Variants in RUSC2 observed in about 807,000 individuals in gnomAD.
RUSC2 encodes the protein AP-4 complex accessory subunit RUSC2.
RUSC2 carries 34 observed loss-of-function variants against 122.2 expected under a neutral mutation model. That is an observed-to-expected ratio of 0.28 (90% CI 0.21 to 0.37). RUSC2 has a LOEUF of 0.37. Among genes scored for constraint, RUSC2 ranks in the 10% least tolerant of loss-of-function variants. RUSC2 has a pLI of 1.00. For synonymous variants in RUSC2, 784 were observed against 790.0 expected (o/e 0.99, Z 0.13); for missense variants, 1,747 against 1,952.4 (o/e 0.89, Z 1.98).
At position 35,492,848 on chromosome 9, in the gene RUSC2, G is replaced by A. The variant is rs540330045; in HGVS notation, c.-93+2676G>A. Among the ~76,000 whole-genome samples the A allele has an allele frequency of 1.5e-4, 23 of 151,880 alleles. No individual in the cohort carries two copies. In the East Asian group the frequency reaches 3.7e-3, roughly 24 times the overall value. On this transcript the variant is annotated intron_variant, in intron 1 of 11. Transcript: ENST00000361226. ...CTAACTCCCCATTTCTCCCTACTCCGCCCCAGGCAACCACCATTCTACTTT... is the reference window on the plus strand; with the variant it reads ...CTAACTCCCCATTTCTCCCTACTCCACCCCAGGCAACCACCATTCTACTTT...
chr9:35,510,395 A>G (rs1224093633), intron 1 of RUSC2, among the ~76,000 whole-genome samples: 1 of 152,236 alleles, frequency 6.6e-6, no homozygotes, highest in Non-Finnish European at 1.5e-5. Flanking sequence ...TTGCCAATAC[A>G]GTGTAAACTG....
intron 1 of RUSC2, among the ~76,000 whole-genome samples, chr9:35,503,008 G>T (rs1390135010): frequency 6.6e-6 from 1 of 152,034 alleles, no homozygotes; most frequent in Admixed American, 6.6e-5. Context: ...TTACAGGCAT[G>T]CAACACCATG....
intron 1 of RUSC2, among the ~76,000 whole-genome samples, chr9:35,500,191 A>G (rs1820795552): frequency 7.5e-6 from 1 of 133,252 alleles, no homozygotes; most frequent in Admixed American, 8.1e-5. Flanking sequence ...CATACCCAAG[A>G]CTGGGCAATT....
rs778840928 is a variant in RUSC2 at position 35,558,156 on chromosome 9, G to A, written c.3061-41G>A. 1 of 1,604,322 alleles carries A rather than the reference G, an allele frequency of 6.2e-7. No homozygotes were observed. The highest frequency in any genetic ancestry group is 8.5e-7 in the Non-Finnish European group (1 of 1,175,952). On this transcript the variant is annotated intron_variant, in intron 6 of 11. Coordinates refer to ENST00000361226, the MANE Select transcript of RUSC2 (RefSeq NM_014806.5). This position sits in a 1 kb window ranked among gnomAD's most constrained non-coding sequence, Gnocchi z 4.3. ...GCCTGCTACGAGAGGACCACAGTCA[G>A]GCCTGAGGGGGTTTCCTGCACTTCC...
rs1822080736 is a variant in RUSC2, at chr9:35,558,840, CCTG to C, written c.3341+274_3341+276del. Among the ~76,000 whole-genome samples, 1 of 152,218 alleles carries C rather than the reference CCTG, an allele frequency of 6.6e-6. No homozygotes were observed. The highest frequency in any genetic ancestry group is 6.5e-5 in the Admixed American group (1 of 15,290). On this transcript the variant is annotated intron_variant, in intron 8 of 11. Transcript: ENST00000361226. This position sits in a 1 kb window ranked among gnomAD's most constrained non-coding sequence, Gnocchi z 4.3. ...CTTAATTTCTCTGGACCTTGTAAAC[CCTG>C]ATCCTCTCCATTCCAGCACTACTTC...
intron 1 of RUSC2, among the ~76,000 whole-genome samples, chr9:35,537,645 G>A (rs548659863): frequency 1.3e-5 from 2 of 152,332 alleles, no homozygotes; most frequent in Admixed American, 6.5e-5. Flanking sequence ...GGAGAAACAA[G>A]AAAGGAAAAG....
intron 1 of RUSC2, among the ~76,000 whole-genome samples, chr9:35,492,287 T>G (rs186934158): frequency 2.0e-5 from 3 of 152,276 alleles, no homozygotes; most frequent in Middle Eastern, 3.4e-3. Flanking sequence ...TGTTCTATTT[T>G]TCTCTCTGGG....
At chr9:35,550,857 C>G (rs1821877245) in intron 2 of RUSC2, among the ~76,000 whole-genome samples, 1 of 151,846 alleles carries the variant, frequency 6.6e-6, no homozygotes, top group East Asian at 1.9e-4. Flanking sequence ...GCGCGGGTCA[C>G]CTGAGGTCAG....
chr9:35,556,534 C>CTAAGTGCTGGCTGGGCCCTCG, intron 5 of RUSC2, 86 bp downstream of exon 5: 1 of 1,526,266 alleles, frequency 6.6e-7, no homozygotes, highest in Non-Finnish European at 8.8e-7. Flanking sequence ...TCTGAAACCT[C>CTAAGTGCTGGCTGGGCCCTCG]TAAGTGCTGG....
At chr9:35,514,440 A>G (rs1821066609) in intron 1 of RUSC2, among the ~76,000 whole-genome samples, 1 of 152,200 alleles carries the variant, frequency 6.6e-6, no homozygotes, top group Non-Finnish European at 1.5e-5. Flanking sequence ...TTTGGATTTT[A>G]TGGAAAGCCT....
At position 35,561,210 on chromosome 9, in the gene RUSC2, C is replaced by T. The variant is rs750133782; in HGVS notation, c.4379C>T (p.Ala1460Val). The change falls in exon 12 of 12, where the codon GCC becomes GTC. Residue 1460 changes from alanine to valine, a missense_variant. By Grantham distance (64) the Ala-to-Val change is moderately conservative. Transcript: ENST00000361226. Reference protein sequence around the residue: ...CEVQALCHHLATGPGQLSFHK... With the variant: ...CEVQALCHHLVTGPGQLSFHK... ...GTGCAGGCACTGTGCCACCACCTGG[C>T]CACCGGCCCTGGACAGCTGAGCTTC... 2 of 1,614,138 alleles carry T rather than the reference C, an allele frequency of 1.2e-6. No individual in the cohort carries two copies. The highest frequency in any genetic ancestry group is 1.7e-5 in the Admixed American group (1 of 60,022).
In RUSC2 at chr9:35,558,556, C is replaced by T. The variant is rs577097522; in HGVS notation, c.3330C>T (p.Leu1110=). The T allele has an allele frequency of 8.1e-5, 130 of 1,613,692 alleles. 1 individual carries two copies. The East Asian group carries it at 2.4e-3, about 30-fold the overall frequency. ...SHTMRFNAFI[L]GLLNIRSLEF... ...CCATGCGCTTCAACGCCTTCATCCT[C>T]GGCCTGCTCAAGTGAGTGCACAGAG... The change falls in exon 8 of 12, where the codon CTC becomes CTT. Residue 1110 remains leucine, a synonymous_variant. Transcript: ENST00000361226. This position sits in a 1 kb window ranked among gnomAD's most constrained non-coding sequence, Gnocchi z 4.3.
Position 35,558,092 on chromosome 9 carries a change from G to T in RUSC2, c.3060+102G>T, listed in dbSNP as rs1822060112. On this transcript the variant is annotated intron_variant, in intron 6 of 11. Transcript: ENST00000361226. This position sits in a 1 kb window ranked among gnomAD's most constrained non-coding sequence, Gnocchi z 4.3. ...TCTTGCATTTAGAGCCCAGGGTTGG[G>T]TACTTAGGAATGGGGACGGCAAGAG... is the stretch of plus-strand genomic sequence containing the variant. 6.3e-7 allele frequency: 1 copy of T among 1,583,150 alleles called. No individual in the cohort carries two copies. Among genetic ancestry groups the T allele is most frequent in the East Asian group, 2.2e-5 (1 of 44,654 alleles).
chr9:35,555,520 C>G lies in RUSC2; in HGVS notation c.2475C>G (p.Val825=). ...PPWSHSCPSA[V]RPATSQQPQK... is the part of the protein sequence containing the mutation. The stretch of plus-strand genomic sequence containing the variant: ...GGAGCCACTCCTGTCCTTCTGCTGT[C>G]CGGCCTGCCACCTCCCAGCAGCCGC... Residue 825 remains valine, a synonymous_variant, in exon 3 of 12, where the codon GTC becomes GTG. Transcript: ENST00000361226. This position sits in a 1 kb window ranked among gnomAD's most constrained non-coding sequence, Gnocchi z 4.6. 1 of 1,614,196 alleles carries G rather than the reference C, an allele frequency of 6.2e-7. No homozygotes were observed. Among genetic ancestry groups the G allele is most frequent in the Non-Finnish European group, 8.5e-7 (1 of 1,180,036 alleles).
chr9:35,495,848 T>A (rs1255931522), intron 1 of RUSC2, among the ~76,000 whole-genome samples: 1 of 152,176 alleles, frequency 6.6e-6, no homozygotes, highest in African/African-American at 2.4e-5. Context: ...CTTCCAGCAA[T>A]GTTTTGTATT....
rs908821863 is a variant in RUSC2, at chr9:35,555,391, C to A, written c.2346C>A (p.Pro782=). 6.2e-7 allele frequency: 1 copy of A among 1,614,248 alleles called. No homozygotes were observed. The highest frequency in any genetic ancestry group is 1.1e-5 in the South Asian group (1 of 91,090). The change falls in exon 3 of 12, where the codon CCC becomes CCA. Residue 782 remains proline, a synonymous_variant. Coordinates refer to ENST00000361226, the MANE Select transcript of RUSC2 (RefSeq NM_014806.5). The surrounding 1 kb of genome is among the most constrained non-coding windows in gnomAD (Gnocchi z 4.6). ...SRPSPLGSYS[P]IRSVGPFGPS... is the part of the protein sequence containing the mutation. ...CATCGCCCCTGGGCAGCTACTCCCC[C>A]ATCCGGAGTGTTGGCCCCTTTGGGC...
intron 1 of RUSC2, among the ~76,000 whole-genome samples, chr9:35,510,579 G>C (rs1820994540): frequency 1.3e-5 from 2 of 152,178 alleles, no homozygotes; most frequent in Admixed American, 6.5e-5. Context: ...ATGAAGGCAG[G>C]CATCAGGTTT....
At chr9:35,542,127 G>A (rs530513300) in intron 1 of RUSC2, among the ~76,000 whole-genome samples, 98 of 152,252 alleles carry the variant, frequency 6.4e-4, no homozygotes, top group Non-Finnish European at 1.0e-3. Context: ...CCCCTTAGAT[G>A]GCTGAATTGG....
intron 1 of RUSC2, among the ~76,000 whole-genome samples, chr9:35,519,525 C>T (rs2132515326): frequency 6.6e-6 from 1 of 152,300 alleles, no homozygotes; most frequent in African/African-American, 2.4e-5. Context: ...CTCCCAGGGC[C>T]AGCCTACCAG....
Sources: allele counts gnomAD v4.1 joint callset (sites outside exome capture counted in the v4.1 genomes callset), GRCh38; gene constraint gnomAD v4.1.1; non-coding constraint Gnocchi (gnomAD v3.1); transcripts MANE v1.5; gene names NCBI Gene and HGNC (gene_info 2026-07-23, HGNC 2026-07-21).